The following ABHD12B variants were observed in gnomAD, a reference collection of about 807,000 sequenced individuals.
ABHD12B encodes protein ABHD12B.
A neutral mutation model predicts 50.4 loss-of-function variants in ABHD12B; 42 were observed. The observed-to-expected ratio is 0.83, with a 90% confidence interval of 0.65 to 1.08. The LOEUF (loss-of-function observed/expected upper bound fraction) is 1.08, where lower values mean the gene tolerates loss of function less well. Ranked by LOEUF, ABHD12B falls within the 50% of genes least tolerant of loss-of-function variation. ABHD12B has a pLI of 0.00. For missense variants in ABHD12B, 479 were observed against 447.7 expected, an observed-to-expected ratio of 1.07 and a Z score of -0.63; for synonymous variants, 167 against 160.3, an observed-to-expected ratio of 1.04 and a Z score of -0.32.
intron 9 of ABHD12B, among the ~76,000 whole-genome samples, chr14:50,899,030 T>C (rs888414842): frequency 3.3e-5 from 5 of 152,044 alleles, no homozygotes; most frequent in African/African-American, 4.8e-5. Flanking sequence ...CTGTCTCTAC[T>C]AAAAATACAA....
At chr14:50,904,308 G>T (rs748648197) in intron 12 of ABHD12B, 31 bp from the exon 13 acceptor site, 3 of 1,614,116 alleles carry the variant, frequency 1.9e-6, no homozygotes, top group Non-Finnish European at 2.5e-6. Context: ...TAGGGAAAGG[G>T]TGTGAGCTGA....
chr14:50,874,446 A>G (rs2049832240), intron 1 of ABHD12B, among the ~76,000 whole-genome samples: 1 of 152,026 alleles, frequency 6.6e-6, no homozygotes, highest in African/African-American at 2.4e-5. Context: ...TAAAAATACA[A>G]AAAATTAGCC....
chr14:50,891,310 T>C (rs993700061), intron 9 of ABHD12B: 2 of 151,802 alleles, frequency 1.3e-5, no homozygotes, highest in Non-Finnish European at 2.9e-5. Context: ...TGGCGTGATA[T>C]CGGCTCACTG....
intron 11 of ABHD12B, among the ~76,000 whole-genome samples, chr14:50,903,827 C>A (rs1243107283): frequency 1.3e-5 from 2 of 152,112 alleles, no homozygotes; most frequent in Non-Finnish European, 2.9e-5. Flanking sequence ...CATAACAATT[C>A]CTTGGCATTT....
At chr14:50,884,669 T>C (rs1440533365) in intron 5 of ABHD12B, among the ~76,000 whole-genome samples, 6 of 151,738 alleles carry the variant, frequency 4.0e-5, no homozygotes, top group African/African-American at 1.2e-4. Flanking sequence ...TCCTTTTTTA[T>C]CTCTCTTTTC....
In ABHD12B at chr14:50,904,472, C is replaced by A; in HGVS notation, c.*106C>A. On this transcript the variant is annotated 3_prime_UTR_variant, in exon 13 of 13. Coordinates refer to ENST00000337334, the MANE Select transcript of ABHD12B (RefSeq NM_001206673.2). Reference sequence around the variant, plus strand: ...ACTGGGCTGGTCGGATGAGCTGAGGCCATTGACTTCTCTACAAATCACTTG... The same window carrying A: ...ACTGGGCTGGTCGGATGAGCTGAGGACATTGACTTCTCTACAAATCACTTG... The A allele has an allele frequency of 7.2e-7, 1 of 1,397,416 alleles. No homozygotes were observed. Among genetic ancestry groups the A allele is most frequent in the Non-Finnish European group, 1.0e-6 (1 of 993,886 alleles). The allele number at this position is 1,397,416 out of a possible 1,614,324, so 86.6% of individuals were successfully genotyped here.
chr14:50,898,642 C>T (rs1298994564), intron 9 of ABHD12B, among the ~76,000 whole-genome samples: 1 of 152,172 alleles, frequency 6.6e-6, no homozygotes, highest in Non-Finnish European at 1.5e-5. Context: ...TGCTTTCTTC[C>T]TACTCTTTCA....
rs369236270 is a variant in ABHD12B, at chr14:50,873,222, CT to C, written c.104+954del. ...GGGGATCTTTTCTCTCTCTCTCTCT[CT>C]TTTTTTTTTCTTTTTTGAGACAAGG... On this transcript the variant is annotated intron_variant, in intron 1 of 12. Coordinates refer to ENST00000337334, the MANE Select transcript of ABHD12B (RefSeq NM_001206673.2). Among the ~76,000 whole-genome samples the C allele has an allele frequency of 6.9e-3, 1,020 of 148,618 alleles. 18 individuals carry two copies. Among genetic ancestry groups the C allele is most frequent in the African/African-American group, 0.024 (960 of 40,336 alleles).
chr14:50,899,620 A>G (rs146736535), intron 9 of ABHD12B, among the ~76,000 whole-genome samples: 10 of 152,230 alleles, frequency 6.6e-5, no homozygotes, highest in African/African-American at 2.4e-4. Flanking sequence ...GAAAATGTAT[A>G]ATACTTTGCT....
intron 9 of ABHD12B, among the ~76,000 whole-genome samples, chr14:50,894,909 A>G (rs887644395): frequency 6.7e-6 from 1 of 148,518 alleles, no homozygotes; most frequent in Non-Finnish European, 1.5e-5. Flanking sequence ...CCTCCACCCT[A>G]TAATCTTTTT....
intron 9 of ABHD12B, chr14:50,892,564 G>A (rs2050134412): frequency 1.0e-6 from 1 of 985,400 alleles, no homozygotes; most frequent in Non-Finnish European, 1.2e-6. Flanking sequence ...ACTCACAGCA[G>A]AAGTTAATTA....
chr14:50,896,956 CTCA>C (rs1402402368), intron 9 of ABHD12B, among the ~76,000 whole-genome samples: 3 of 151,992 alleles, frequency 2.0e-5, no homozygotes, highest in Admixed American at 6.6e-5. Flanking sequence ...ATTAAAGTAC[CTCA>C]TCATGATTGT....
intron 10 of ABHD12B, 137 bp from the exon 11 acceptor site, chr14:50,903,252 G>T (rs533832734): frequency 4.4e-5 from 26 of 594,294 alleles, no homozygotes; most frequent in African/African-American, 4.0e-4. Context: ...GTATGATATT[G>T]TTATTCCTTG....
intron 10 of ABHD12B, 79 bp downstream of exon 10, chr14:50,901,990 T>C: frequency 2.2e-6 from 2 of 911,840 alleles, no homozygotes; most frequent in Non-Finnish European, 3.3e-6. Flanking sequence ...ACTTACTGGA[T>C]GGTGACATGA....
chr14:50,904,066 G>T lies in ABHD12B; in HGVS notation c.943-8G>T, dbSNP rs4901064. 2 of 1,606,634 alleles carry T rather than the reference G, an allele frequency of 1.2e-6. No homozygotes were observed. The highest frequency in any genetic ancestry group is 1.7e-6 in the Non-Finnish European group (2 of 1,175,266). ...GCCATCCTTTGAGTCTCTTTCTGTC[G>T]CTTGCAGCTCTATGAAATTGCACGC... On this transcript the variant is annotated splice_region_variant and splice_polypyrimidine_tract_variant and intron_variant, in intron 11 of 12. Transcript: ENST00000337334.
chr14:50,889,686 T>G (rs548663127), intron 9 of ABHD12B, among the ~76,000 whole-genome samples: 4 of 152,288 alleles, frequency 2.6e-5, no homozygotes, highest in Middle Eastern at 3.4e-3. Flanking sequence ...CTTTATAATC[T>G]TATTCTATAC....
At chr14:50,874,399 G>A (rs1595996121) in intron 1 of ABHD12B, among the ~76,000 whole-genome samples, 2 of 152,092 alleles carry the variant, frequency 1.3e-5, no homozygotes, top group African/African-American at 4.8e-5. Flanking sequence ...AGGAGATGGA[G>A]ACCATCCTGG....
chr14:50,895,929 G>A (rs562866358), intron 9 of ABHD12B, among the ~76,000 whole-genome samples: 3 of 151,530 alleles, frequency 2.0e-5, no homozygotes, highest in African/African-American at 4.9e-5. Flanking sequence ...CCCAGTTCCC[G>A]TATTAGGCTG....
At chr14:50,881,569 T>TTA (rs1248753941) in intron 4 of ABHD12B, 27 bp from the exon 5 acceptor site, 15 of 1,586,248 alleles carry the variant, frequency 9.5e-6, no homozygotes, top group Non-Finnish European at 1.3e-5. Context: ...CTTGCTTTTT[T>TTA]TTTTTTTTTT....
Sources: allele counts gnomAD v4.1 joint callset (sites outside exome capture counted in the v4.1 genomes callset), GRCh38; gene constraint gnomAD v4.1.1; transcripts MANE v1.5; gene names NCBI Gene and HGNC (gene_info 2026-07-23, HGNC 2026-07-21).